Variants in CEP170 observed in about 807,000 individuals in gnomAD.
CEP170 encodes the protein centrosomal protein of 170 kDa.
In CEP170, 21 loss-of-function variants were observed where a neutral mutation model predicts 151.9. That is an observed-to-expected ratio of 0.14 (90% CI 0.10 to 0.20). The LOEUF (loss-of-function observed/expected upper bound fraction) is 0.20. CEP170 is among the 10% of genes least tolerant of loss of function. The pLI, the probability that CEP170 is intolerant of heterozygous loss-of-function variation, is 1.00. For synonymous variants in CEP170, 356 were observed against 648.8 expected (o/e 0.55, Z 6.86); for missense variants, 964 against 1,892.9 (o/e 0.51, Z 9.11).
At chr1:243,145,284 A>T (rs1205145928) in intron 14 of CEP170, among the ~76,000 whole-genome samples, 2 of 152,306 alleles carry the variant, frequency 1.3e-5, no homozygotes, top group African/African-American at 2.4e-5. Flanking sequence ...TTGCCTTATT[A>T]TTATTTTTTG....
At chr1:243,160,855 G>A (rs2058006827) in intron 13 of CEP170, among the ~76,000 whole-genome samples, 1 of 152,030 alleles carries the variant, frequency 6.6e-6, no homozygotes, top group African/African-American at 2.4e-5. Flanking sequence ...AAAAGGGACT[G>A]CAAACAGTCT....
At chr1:243,142,684 A>C (rs973045675) in intron 14 of CEP170, among the ~76,000 whole-genome samples, 7 of 152,216 alleles carry the variant, frequency 4.6e-5, no homozygotes, top group African/African-American at 1.4e-4. Context: ...ACCTTGAAAA[A>C]TGTACTTTAA....
At chr1:243,181,552 A>G (rs2059619094) in intron 10 of CEP170, among the ~76,000 whole-genome samples, 1 of 152,160 alleles carries the variant, frequency 6.6e-6, no homozygotes, top group Non-Finnish European at 1.5e-5. Flanking sequence ...ATAAGGATAC[A>G]GCAGTTTAGC....
chr1:243,240,466 T>C (rs1333482816), intron 1 of CEP170, among the ~76,000 whole-genome samples: 2 of 152,188 alleles, frequency 1.3e-5, no homozygotes, highest in East Asian at 3.8e-4. Flanking sequence ...AAGACAACCC[T>C]TAGTTAAGGA....
At position 243,220,539 on chromosome 1, in the gene CEP170, A is replaced by G. The variant is rs376026274; in HGVS notation, c.195+1185T>C. 4.6e-4 allele frequency among the ~76,000 whole-genome samples: 70 copies of G among 152,368 alleles called. No individual in the cohort carries two copies. In the East Asian group the frequency reaches 0.011, roughly 25 times the overall value. ...TATAAAAGTCCTTCAGTAGCAGGCCAATTCAGAATTGGTTAAAAAAAATGT... is the reference window on the plus strand; with the variant it reads ...TATAAAAGTCCTTCAGTAGCAGGCCGATTCAGAATTGGTTAAAAAAAATGT... On this transcript the variant is annotated intron_variant, in intron 3 of 19. Coordinates refer to ENST00000366542, the MANE Select transcript of CEP170 (RefSeq NM_014812.3).
In CEP170 at chr1:243,185,170, G is replaced by C. The variant is rs2059864454; in HGVS notation, c.1566+609C>G. ...ACACACGCTAACCAATAATATCAAAGAATACACTTGAAATGTAGGTAACTA... is the reference window on the plus strand; with the variant it reads ...ACACACGCTAACCAATAATATCAAACAATACACTTGAAATGTAGGTAACTA... On this transcript the variant is annotated intron_variant, in intron 10 of 19. Coordinates refer to ENST00000366542, the MANE Select transcript of CEP170 (RefSeq NM_014812.3). This position sits in a 1 kb window ranked among gnomAD's most constrained non-coding sequence, Gnocchi z 4.9. Among the ~76,000 whole-genome samples, 5 of 152,108 alleles carry C rather than the reference G, an allele frequency of 3.3e-5. No individual in the cohort carries two copies. The highest frequency in any genetic ancestry group is 1.2e-4 in the African/African-American group (5 of 41,432).
chr1:243,248,579 T>C (rs1010903252), intron 1 of CEP170, among the ~76,000 whole-genome samples: 3 of 152,190 alleles, frequency 2.0e-5, no homozygotes, highest in Admixed American at 6.5e-5. Flanking sequence ...AAACTTAACA[T>C]ATCCAAAACA....
intron 10 of CEP170, among the ~76,000 whole-genome samples, chr1:243,179,363 A>G (rs2059466598): frequency 6.6e-6 from 1 of 152,136 alleles, no homozygotes; most frequent in South Asian, 2.1e-4. Context: ...TCCAGCTGGA[A>G]GCTGTCAGGT....
chr1:243,188,841 G>C (rs1335613016), intron 8 of CEP170, among the ~76,000 whole-genome samples: 1 of 152,106 alleles, frequency 6.6e-6, no homozygotes, highest in Non-Finnish European at 1.5e-5. Flanking sequence ...TTTAGAGTCT[G>C]GCTATATACT....
chr1:243,206,240 T>C (rs2061413456), intron 4 of CEP170, among the ~76,000 whole-genome samples: 1 of 152,156 alleles, frequency 6.6e-6, no homozygotes, highest in Non-Finnish European at 1.5e-5. Flanking sequence ...TTCAAGAGAT[T>C]CTCCTGCCTC....
intron 7 of CEP170, among the ~76,000 whole-genome samples, chr1:243,193,127 T>C (rs1480853766): frequency 6.6e-6 from 1 of 152,138 alleles, no homozygotes; most frequent in Non-Finnish European, 1.5e-5. Flanking sequence ...TTTGTCTTTT[T>C]CTTAAAAATA....
chr1:243,245,367 C>A (rs1253484868), intron 1 of CEP170, among the ~76,000 whole-genome samples: 1 of 151,766 alleles, frequency 6.6e-6, no homozygotes, highest in Admixed American at 6.6e-5. Context: ...ACTGCTAGAG[C>A]CCAGGAGTTT....
In CEP170 at chr1:243,124,816, T is replaced by G. The variant is rs2053578492; in HGVS notation, c.*1633A>C. 6.6e-6 allele frequency: 1 copy of G among 152,626 alleles called. No individual in the cohort carries two copies. 9.5% of individuals were successfully genotyped at this position (152,626 alleles called of 1,614,324 possible). On this transcript the variant is annotated 3_prime_UTR_variant, in exon 20 of 20. Transcript: ENST00000366542. Reference sequence around the variant, plus strand: ...CCATTTATGTTCTTTAAAACCTTTTTTCAGTCTTCCTTTATTAGACAGAAT... The same window carrying G: ...CCATTTATGTTCTTTAAAACCTTTTGTCAGTCTTCCTTTATTAGACAGAAT...
rs372873884 is a variant in CEP170, at chr1:243,252,154, C to T, written c.-42+2886G>A. Among the ~76,000 whole-genome samples, 60 of 152,256 alleles carry T rather than the reference C, an allele frequency of 3.9e-4. 1 individual carries two copies. The South Asian group carries it at 0.011, about 28-fold the overall frequency. On this transcript the variant is annotated intron_variant, in intron 1 of 19. Coordinates refer to ENST00000366542, the MANE Select transcript of CEP170 (RefSeq NM_014812.3). ...CACTGAATGCTCCAGTCAATACTATCTACTCACCAAGCATTCTTCAAATGG... is the reference window on the plus strand; with the variant it reads ...CACTGAATGCTCCAGTCAATACTATTTACTCACCAAGCATTCTTCAAATGG...
chr1:243,175,972 AT>A (rs1404154639), intron 10 of CEP170, among the ~76,000 whole-genome samples: 3 of 151,808 alleles, frequency 2.0e-5, no homozygotes, highest in African/African-American at 4.8e-5. Context: ...AATTTTTTGT[AT>A]TTTTAGCAGA....
rs539757968 is a variant in CEP170 at position 243,210,844 on chromosome 1, C to T, written c.274+1042G>A. On this transcript the variant is annotated intron_variant, in intron 4 of 19. Transcript: ENST00000366542. ...TTCACCACATTGGTCAGGCTGGTCT[C>T]GAACTCCTGACCTCGTGACCTGCCC... Among the ~76,000 whole-genome samples, 34 of 151,828 alleles carry T rather than the reference C, an allele frequency of 2.2e-4. 1 individual carries two copies. The South Asian group carries it at 4.2e-3, about 19-fold the overall frequency.
At chr1:243,231,145 T>C (rs1157136818) in intron 1 of CEP170, among the ~76,000 whole-genome samples, 1 of 148,360 alleles carries the variant, frequency 6.7e-6, no homozygotes, top group Non-Finnish European at 1.5e-5. Context: ...AGCAAAACTA[T>C]CTTTCAAGCA....
chr1:243,226,559 C>T (rs928140459), intron 1 of CEP170, among the ~76,000 whole-genome samples: 9 of 152,034 alleles, frequency 5.9e-5, no homozygotes, highest in Non-Finnish European at 1.2e-4. Context: ...ATTTAATAGG[C>T]TTTTCAAATA....
In CEP170 at chr1:243,220,153, A is replaced by C. The variant is rs2062662487; in HGVS notation, c.195+1571T>G. On this transcript the variant is annotated intron_variant, in intron 3 of 19. Transcript: ENST00000366542. Reference sequence around the variant, plus strand: ...GCCTTTGTTTCATCTCTTCAAAAAGAAGTAGAATTTGAGCTTTATTTTAAA... The same window carrying C: ...GCCTTTGTTTCATCTCTTCAAAAAGCAGTAGAATTTGAGCTTTATTTTAAA... 2.0e-5 allele frequency among the ~76,000 whole-genome samples: 3 copies of C among 152,218 alleles called. No homozygotes were observed. The South Asian group carries it at 6.2e-4, about 32-fold the overall frequency.
Sources: gnomAD v4.1 joint callset for allele counts (sites outside exome capture counted in the v4.1 genomes callset) on GRCh38, gnomAD v4.1.1 for gene constraint, Gnocchi (gnomAD v3.1) non-coding constraint, MANE v1.5 for transcripts, NCBI Gene and HGNC (gene_info 2026-07-23, HGNC 2026-07-21) for gene names.